TENM3: variants seen among roughly 807,000 people sequenced by gnomAD.
TENM3 encodes the protein teneurin transmembrane protein 3.
In TENM3, 63 loss-of-function variants were observed where a neutral mutation model predicts 255.1. The observed-to-expected ratio is 0.25, with a 90% CI of 0.20 to 0.30. The LOEUF (loss-of-function observed/expected upper bound fraction) is 0.30. Ranked by LOEUF, TENM3 falls within the 10% of genes least tolerant of loss-of-function variation. TENM3 has a pLI of 1.00. For synonymous variants in TENM3, 1,306 were observed against 1,322.3 expected, an observed-to-expected ratio of 0.99 and a Z score of 0.27; for missense variants, 2,929 against 3,461.1, an observed-to-expected ratio of 0.85 and a Z score of 3.86.
the TENM3 span, among the ~76,000 whole-genome samples, chr4:181,601,786 C>G: frequency 6.6e-6 from 1 of 152,178 alleles, no homozygotes; most frequent in Non-Finnish European, 1.5e-5. Context: ...AAGACCTTAT[C>G]TGCAAAGACA....
the TENM3 span, among the ~76,000 whole-genome samples, chr4:182,103,860 G>GTC: frequency 2.0e-5 from 3 of 151,074 alleles, no homozygotes; most frequent in Admixed American, 6.6e-5. Flanking sequence ...AATGAATACT[G>GTC]TCTTTCCCAG....
chr4:181,641,804 C>CAATA, the TENM3 span, among the ~76,000 whole-genome samples: 6 of 37,406 alleles, frequency 1.6e-4, no homozygotes, highest in Admixed American at 4.4e-4. Context: ...TACACACACA[C>CAATA]CATATATATA....
intron 1 of TENM3, among the ~76,000 whole-genome samples, chr4:182,171,330 T>C (rs1433081336): frequency 6.6e-6 from 1 of 152,208 alleles, no homozygotes; most frequent in Admixed American, 6.5e-5. Context: ...TATTATACTT[T>C]TGGCATTTTC....
chr4:181,535,047 G>T, the TENM3 span, among the ~76,000 whole-genome samples: 2 of 152,174 alleles, frequency 1.3e-5, no homozygotes, highest in Non-Finnish European at 2.9e-5. Context: ...ATGTCTTTTG[G>T]GTAACATGAC....
the TENM3 span, among the ~76,000 whole-genome samples, chr4:181,468,431 A>G: frequency 6.6e-6 from 1 of 152,156 alleles, no homozygotes; most frequent in African/African-American, 2.4e-5. Context: ...ATTTTATTTT[A>G]CAAAATCAGG....
chr4:181,579,984 ATTTTATTTTATTTTATTTTATTT>A, the TENM3 span, among the ~76,000 whole-genome samples: 7 of 74,728 alleles, frequency 9.4e-5, no homozygotes, highest in African/African-American at 3.8e-4. Context: ...ATTTTATTTT[ATTTTATTTTATTTTATTTTATTT>A]ATTTTTTGAG....
At chr4:182,514,953 T>C (rs1737790727) in intron 3 of TENM3, among the ~76,000 whole-genome samples, 1 of 152,200 alleles carries the variant, frequency 6.6e-6, no homozygotes, top group South Asian at 2.1e-4. Context: ...TAGTACATCC[T>C]AATAGTAGAC....
chr4:181,879,792 G>C, the TENM3 span, among the ~76,000 whole-genome samples: 1 of 152,178 alleles, frequency 6.6e-6, no homozygotes, highest in East Asian at 1.9e-4. Flanking sequence ...AAAATTAGTA[G>C]ACACACTTGT....
chr4:182,064,882 G>A, the TENM3 span, among the ~76,000 whole-genome samples: 1 of 152,098 alleles, frequency 6.6e-6, no homozygotes, highest in East Asian at 1.9e-4. Context: ...CCCACACAAG[G>A]CTGTCTCTAC....
the TENM3 span, among the ~76,000 whole-genome samples, chr4:181,578,402 G>A: frequency 6.6e-6 from 1 of 152,156 alleles, no homozygotes; most frequent in Non-Finnish European, 1.5e-5. Context: ...AGCAAAAGAG[G>A]CAGCTTTCAG....
At chr4:181,524,654 G>A in the TENM3 span, among the ~76,000 whole-genome samples, 7,528 of 152,286 alleles carry the variant, frequency 0.049, 254 homozygotes, top group South Asian at 0.13. Context: ...TCATCAAAGA[G>A]CATCCCTTGG....
chr4:182,299,013 A>AGGG (rs111604362), intron 1 of TENM3, among the ~76,000 whole-genome samples: 14 of 94,258 alleles, frequency 1.5e-4, no homozygotes, highest in African/African-American at 4.7e-4. Context: ...AAAAAAAAAA[A>AGGG]AAAGAGGTAA....
chr4:182,785,850 C>T (rs549226665), intron 24 of TENM3, among the ~76,000 whole-genome samples: 8 of 150,530 alleles, frequency 5.3e-5, no homozygotes, highest in African/African-American at 1.2e-4. Flanking sequence ...TGTCCTGGAA[C>T]GCAGGTGCCC....
the TENM3 span, among the ~76,000 whole-genome samples, chr4:181,811,361 T>C: frequency 1.6e-4 from 24 of 152,220 alleles, no homozygotes; most frequent in African/African-American, 5.8e-4. Context: ...TTCTCAATTA[T>C]GGCCCACAGA....
At chr4:182,028,907 T>C in the TENM3 span, among the ~76,000 whole-genome samples, 6 of 152,216 alleles carry the variant, frequency 3.9e-5, no homozygotes, top group African/African-American at 1.4e-4. Context: ...AGGATAAGAA[T>C]GTGTATCCTG....
Position 182,751,787 on chromosome 4 carries a change from A to T in TENM3, c.3630-13A>T. The T allele has an allele frequency of 1.1e-5, 17 of 1,600,124 alleles. No homozygotes were observed. Among genetic ancestry groups the T allele is most frequent in the Non-Finnish European group, 1.5e-5 (17 of 1,167,350 alleles). The stretch of plus-strand genomic sequence containing the variant: ...TAACTCCCTTTGATGTTTATCTATG[A>T]TCCTTTTCACAGCAGCAACCCAGCT... On this transcript the variant is annotated splice_polypyrimidine_tract_variant and intron_variant, in intron 19 of 27. Coordinates refer to ENST00000511685, the MANE Select transcript of TENM3 (RefSeq NM_001080477.4).
chr4:182,680,335 C>T lies in TENM3; in HGVS notation c.1625C>T (p.Pro542Leu), dbSNP rs762112408. ...CATTGTTTTCCAGGATTTCTGGGTCCGGATTGTTCAAGAGGTATGCAAGTT... is the reference window on the plus strand; with the variant it reads ...CATTGTTTTCCAGGATTTCTGGGTCTGGATTGTTCAAGAGGTATGCAAGTT... ...TCHCFPGFLGPDCSRAACPVL... is the reference protein window; with the variant it reads ...TCHCFPGFLGLDCSRAACPVL... Residue 542 changes from proline to leucine, a missense_variant, in exon 9 of 28, where the codon CCG (proline) becomes CTG (leucine). Physicochemically the swap from Pro to Leu is moderately conservative, Grantham distance 98. Around this residue, in one of 6 missense-constraint regions of TENM3, gnomAD observed 1,608 missense variants for 1,884.4 expected, o/e 0.85. Coordinates refer to ENST00000511685, the MANE Select transcript of TENM3 (RefSeq NM_001080477.4). The T allele has an allele frequency of 9.3e-6, 15 of 1,609,478 alleles. No homozygotes were observed. Among genetic ancestry groups the T allele is most frequent in the African/African-American group, 4.0e-5 (3 of 74,568 alleles).
chr4:182,737,148 C>G, intron 17 of TENM3, 73 bp downstream of exon 17: 3 of 1,464,542 alleles, frequency 2.0e-6, no homozygotes, highest in Non-Finnish European at 2.8e-6. Flanking sequence ...TAATTGTAAC[C>G]CAGGGAAGTC....
At chr4:181,533,320 G>A in the TENM3 span, among the ~76,000 whole-genome samples, 31 of 152,248 alleles carry the variant, frequency 2.0e-4, 2 homozygotes, top group African/African-American at 6.3e-4. Context: ...TCACAGTACC[G>A]CCACCATCAT....
Sources: gnomAD v4.1 joint callset for allele counts (sites outside exome capture counted in the v4.1 genomes callset) on GRCh38, gnomAD v4.1.1 for gene constraint, gnomAD v4.1.1 regional missense constraint, MANE v1.5 for transcripts, NCBI Gene and HGNC (gene_info 2026-07-23, HGNC 2026-07-21) for gene names.